CSMD1: variants seen among roughly 807,000 people sequenced by gnomAD.
CSMD1 encodes the protein CUB and Sushi multiple domains 1, also known as CUB and sushi domain-containing protein 1.
In CSMD1, 213 loss-of-function variants were observed where a neutral mutation model predicts 417.5. The observed-to-expected ratio is 0.51, with a 90% CI of 0.46 to 0.57. The LOEUF is 0.57. Among genes scored for constraint, CSMD1 ranks in the 20% least tolerant of loss-of-function variants. CSMD1 has a pLI of 0.00. For missense variants in CSMD1, 6,923 were observed against 4,529.7 expected (o/e 1.53, Z -15.17); for synonymous variants, 2,862 against 1,736.8 (o/e 1.65, Z -16.11).
chr8:4,441,366 G>A (rs896117227), intron 2 of CSMD1, among the ~76,000 whole-genome samples: 3 of 149,018 alleles, frequency 2.0e-5, no homozygotes, highest in South Asian at 2.1e-4. Flanking sequence ...TCCTGTCTGA[G>A]CCTCCTAAAG....
At chr8:3,503,984 G>C (rs1425047787) in intron 10 of CSMD1, among the ~76,000 whole-genome samples, 1 of 152,134 alleles carries the variant, frequency 6.6e-6, no homozygotes, top group Non-Finnish European at 1.5e-5. Context: ...TTTGGGGTAT[G>C]AAAGTCCAGC....
intron 1 of CSMD1, among the ~76,000 whole-genome samples, chr8:4,936,453 G>C (rs1352909493): frequency 6.6e-6 from 1 of 152,162 alleles, no homozygotes; most frequent in East Asian, 1.9e-4. Context: ...TTTTTGTCCA[G>C]AACATCTTAT....
intron 10 of CSMD1, among the ~76,000 whole-genome samples, chr8:3,530,196 T>C (rs1440228081): frequency 6.6e-6 from 1 of 152,222 alleles, no homozygotes; most frequent in Non-Finnish European, 1.5e-5. Flanking sequence ...ATTCCTTCTT[T>C]CTGCAAGCTT....
intron 2 of CSMD1, among the ~76,000 whole-genome samples, chr8:4,627,739 C>T (rs1474163254): frequency 6.6e-6 from 1 of 152,152 alleles, no homozygotes; most frequent in East Asian, 1.9e-4. Flanking sequence ...TCCCCTCAGC[C>T]AGTTCCAGCT....
At chr8:3,002,246 T>A (rs907890041) in intron 52 of CSMD1, among the ~76,000 whole-genome samples, 2 of 152,232 alleles carry the variant, frequency 1.3e-5, no homozygotes, top group African/African-American at 4.8e-5. Flanking sequence ...AAGGCACAAG[T>A]GTTATCACAG....
intron 6 of CSMD1, among the ~76,000 whole-genome samples, chr8:3,742,905 G>A (rs539348704): frequency 2.0e-5 from 3 of 152,296 alleles, no homozygotes; most frequent in Admixed American, 1.3e-4. Context: ...GAGTATTTCC[G>A]TGCGAATGCG....
chr8:4,902,660 C>A (rs1471043027), intron 1 of CSMD1, among the ~76,000 whole-genome samples: 3 of 152,034 alleles, frequency 2.0e-5, no homozygotes, highest in African/African-American at 7.2e-5. Flanking sequence ...ATGGCATATA[C>A]TTTAATCATT....
chr8:4,291,920 T>C (rs1797388993), intron 3 of CSMD1, among the ~76,000 whole-genome samples: 1 of 152,198 alleles, frequency 6.6e-6, no homozygotes, highest in African/African-American at 2.4e-5. Flanking sequence ...AACAGAACCT[T>C]CTGCCCTATG....
chr8:3,635,812 A>T (rs12542023), intron 7 of CSMD1, among the ~76,000 whole-genome samples: 1 of 117,654 alleles, frequency 8.5e-6, no homozygotes, highest in South Asian at 2.9e-4. Flanking sequence ...AAAAAAAAAA[A>T]AAAGAAAGAA....
chr8:2,986,393 G>A (rs547820521), intron 54 of CSMD1, among the ~76,000 whole-genome samples: 5 of 152,284 alleles, frequency 3.3e-5, no homozygotes, highest in Non-Finnish European at 7.4e-5. Flanking sequence ...GCTAGGACTA[G>A]GTGGTGTGGG....
chr8:4,201,634 C>A lies in CSMD1; in HGVS notation c.416-169535G>T, dbSNP rs564243804. ...AATTGAAATATAAAATACAAATAAG[C>A]CTTTATTTACCCTTGACCAAAGTTT... On this transcript the variant is annotated intron_variant, in intron 3 of 69. Coordinates refer to ENST00000635120, the MANE Select transcript of CSMD1 (RefSeq NM_033225.6). 6.0e-5 allele frequency among the ~76,000 whole-genome samples: 9 copies of A among 150,040 alleles called. No homozygotes were observed. The East Asian group carries it at 1.4e-3, about 23-fold the overall frequency.
At chr8:4,305,212 A>C (rs11779669) in intron 3 of CSMD1, among the ~76,000 whole-genome samples, 1 of 152,084 alleles carries the variant, frequency 6.6e-6, no homozygotes, top group Non-Finnish European at 1.5e-5. Flanking sequence ...TCCCCAACAG[A>C]GAAGGATGAA....
chr8:4,455,858 G>C (rs866446326), intron 2 of CSMD1, among the ~76,000 whole-genome samples: 8 of 132,600 alleles, frequency 6.0e-5, no homozygotes, highest in East Asian at 2.5e-4. Context: ...TTGAACCTGG[G>C]AGACAGGTTG....
chr8:4,062,733 T>C (rs1426812118), intron 3 of CSMD1, among the ~76,000 whole-genome samples: 1 of 147,548 alleles, frequency 6.8e-6, no homozygotes, highest in African/African-American at 2.5e-5. Context: ...ATTATCAAAT[T>C]CAAAAAAAAA....
intron 3 of CSMD1, among the ~76,000 whole-genome samples, chr8:4,419,094 T>C (rs1024613486): frequency 1.3e-5 from 2 of 152,178 alleles, no homozygotes; most frequent in African/African-American, 4.8e-5. Flanking sequence ...CCAGTAAGAA[T>C]ATATAATTTG....
At chr8:4,195,068 T>C (rs1799252257) in intron 3 of CSMD1, among the ~76,000 whole-genome samples, 1 of 152,198 alleles carries the variant, frequency 6.6e-6, no homozygotes, top group African/African-American at 2.4e-5. Flanking sequence ...TATTCAGCTG[T>C]TACGCCTAGA....
chr8:3,901,093 C>A (rs986358198), intron 5 of CSMD1, among the ~76,000 whole-genome samples: 4 of 151,972 alleles, frequency 2.6e-5, no homozygotes, highest in Admixed American at 6.6e-5. Flanking sequence ...ACCTGGAGTC[C>A]AAGGTTAATG....
At chr8:3,187,154 C>T (rs372527002) in intron 36 of CSMD1, among the ~76,000 whole-genome samples, 9 of 152,292 alleles carry the variant, frequency 5.9e-5, no homozygotes, top group East Asian at 1.9e-4. Flanking sequence ...GGGAGATAAT[C>T]GCAATACTGA....
intron 67 of CSMD1, 132 bp from the exon 68 acceptor site, chr8:2,949,518 T>C (rs1179117414): frequency 2.2e-6 from 1 of 464,110 alleles, no homozygotes; most frequent in African/African-American, 2.0e-5. Flanking sequence ...TGTTTTATTT[T>C]TGCCATGGCT....
Sources: allele counts gnomAD v4.1 joint callset (sites outside exome capture counted in the v4.1 genomes callset), GRCh38; gene constraint gnomAD v4.1.1; transcripts MANE v1.5; gene names NCBI Gene and HGNC (gene_info 2026-07-23, HGNC 2026-07-21).